The following GALNT13 variants were observed in gnomAD, a reference collection of about 807,000 sequenced individuals.
The protein encoded by GALNT13 is UDP-GalNAc:polypeptide N-acetylgalactosaminyltransferase 13.
In GALNT13, 28 loss-of-function variants were observed where a neutral mutation model predicts 64.2. The observed-to-expected ratio is 0.44, with a 90% CI of 0.32 to 0.60. The LOEUF is 0.60. Ranked by LOEUF, GALNT13 falls within the 20% of genes least tolerant of loss-of-function variation. The probability of loss-of-function intolerance (pLI) is 0.05; values close to 1 mark genes in which losing one functional copy is unlikely to be tolerated. For missense variants in GALNT13, 577 were observed against 669.8 expected (o/e 0.86, Z 1.53); for synonymous variants, 214 against 224.6 (o/e 0.95, Z 0.42).
At chr2:153,657,525 A>T in the GALNT13 span, among the ~76,000 whole-genome samples, 3 of 152,242 alleles carry the variant, frequency 2.0e-5, no homozygotes, top group South Asian at 6.2e-4. Context: ...ACAAAGAAAG[A>T]CTACATGACT....
intron 11 of GALNT13, among the ~76,000 whole-genome samples, chr2:154,424,440 C>A (rs1316981806): frequency 6.6e-6 from 1 of 152,178 alleles, no homozygotes; most frequent in Non-Finnish European, 1.5e-5. Context: ...TGACCACTGT[C>A]TTTCGTAACA....
intron 3 of GALNT13, among the ~76,000 whole-genome samples, chr2:153,991,150 A>T (rs548361229): frequency 1.3e-5 from 2 of 152,314 alleles, no homozygotes; most frequent in South Asian, 4.1e-4. Context: ...ATAGATTTCA[A>T]AGAAATTGAA....
At chr2:153,448,004 T>A in the GALNT13 span, among the ~76,000 whole-genome samples, 1 of 152,340 alleles carries the variant, frequency 6.6e-6, no homozygotes, top group Admixed American at 6.5e-5. Context: ...TACCTGAAAG[T>A]ATCCATTGAG....
chr2:153,614,142 C>T, the GALNT13 span, among the ~76,000 whole-genome samples: 1 of 151,852 alleles, frequency 6.6e-6, no homozygotes, highest in East Asian at 1.9e-4. Context: ...ATTTTCTTGA[C>T]AGTGAACTCT....
At chr2:154,427,173 A>G (rs1206321264) in intron 11 of GALNT13, among the ~76,000 whole-genome samples, 3 of 152,220 alleles carry the variant, frequency 2.0e-5, no homozygotes, top group Non-Finnish European at 4.4e-5. Flanking sequence ...AAGAGGAGCC[A>G]TATATTTATC....
the GALNT13 span, among the ~76,000 whole-genome samples, chr2:153,834,104 CT>C: frequency 1.3e-5 from 2 of 152,106 alleles, no homozygotes; most frequent in Middle Eastern, 3.2e-3. Context: ...TCTTCACCCC[CT>C]TGTAAGGAAA....
the GALNT13 span, among the ~76,000 whole-genome samples, chr2:153,765,068 T>A: frequency 1.3e-5 from 2 of 152,226 alleles, no homozygotes; most frequent in Non-Finnish European, 2.9e-5. Flanking sequence ...GTAGTCCTCA[T>A]GAAAAATCTT....
the GALNT13 span, among the ~76,000 whole-genome samples, chr2:153,260,693 T>A: frequency 5.3e-5 from 8 of 152,182 alleles, no homozygotes; most frequent in African/African-American, 1.9e-4. Context: ...GGGTTGAATG[T>A]GCTTGGTGTT....
the GALNT13 span, among the ~76,000 whole-genome samples, chr2:153,183,322 G>T: frequency 1.1e-4 from 16 of 151,666 alleles, 1 homozygote; most frequent in Middle Eastern, 3.4e-3. Context: ...TTTTTAATGG[G>T]TTTTTTTTCT....
the GALNT13 span, among the ~76,000 whole-genome samples, chr2:153,574,841 T>A: frequency 6.6e-6 from 1 of 152,092 alleles, no homozygotes; most frequent in Non-Finnish European, 1.5e-5. Flanking sequence ...AAGGATTGCA[T>A]ATTTCTGTTT....
the GALNT13 span, among the ~76,000 whole-genome samples, chr2:153,185,623 T>C: frequency 6.6e-6 from 1 of 152,204 alleles, no homozygotes; most frequent in Non-Finnish European, 1.5e-5. Context: ...TTTACACTGC[T>C]TTAGCTGCAT....
At chr2:154,433,771 G>A (rs562562356) in intron 11 of GALNT13, among the ~76,000 whole-genome samples, 1 of 149,540 alleles carries the variant, frequency 6.7e-6, no homozygotes, top group South Asian at 2.1e-4. Context: ...AAAAATTCAT[G>A]TACACCATGT....
At chr2:153,791,387 G>A in the GALNT13 span, among the ~76,000 whole-genome samples, 6 of 152,128 alleles carry the variant, frequency 3.9e-5, no homozygotes, top group East Asian at 1.9e-4. Flanking sequence ...GGTTTTTGCC[G>A]TTAGTTTTGC....
intron 3 of GALNT13, among the ~76,000 whole-genome samples, chr2:153,988,833 A>G (rs1007322536): frequency 3.3e-5 from 5 of 151,964 alleles, no homozygotes; most frequent in Non-Finnish European, 4.4e-5. Context: ...TGACTAAAGT[A>G]TGATTTTTTT....
At chr2:153,569,009 T>C in the GALNT13 span, among the ~76,000 whole-genome samples, 67 of 152,332 alleles carry the variant, frequency 4.4e-4, no homozygotes, top group East Asian at 0.011. Context: ...AGTGCATTTA[T>C]GCTAATGAAC....
intron 8 of GALNT13, among the ~76,000 whole-genome samples, chr2:154,287,925 A>G (rs1692367584): frequency 6.6e-6 from 1 of 152,056 alleles, no homozygotes; most frequent in Admixed American, 6.6e-5. Flanking sequence ...ATTCCTCCCA[A>G]TTAGTATAGC....
At chr2:154,275,406 C>G (rs991057774) in intron 8 of GALNT13, among the ~76,000 whole-genome samples, 1 of 152,180 alleles carries the variant, frequency 6.6e-6, no homozygotes, top group Non-Finnish European at 1.5e-5. Context: ...ACTTGGTGCT[C>G]TGCATCCCAG....
At chr2:153,498,200 G>T in the GALNT13 span, among the ~76,000 whole-genome samples, 195 of 152,316 alleles carry the variant, frequency 1.3e-3, no homozygotes, top group African/African-American at 4.3e-3. Flanking sequence ...ACTCTTAAAA[G>T]ATACAACCTT....
chr2:153,134,305 T>C, the GALNT13 span, among the ~76,000 whole-genome samples: 4 of 152,264 alleles, frequency 2.6e-5, no homozygotes, highest in Admixed American at 6.5e-5. Flanking sequence ...AAAAACCATT[T>C]CGCTTTGGAA....
Sources: gnomAD v4.1 joint callset for allele counts (sites outside exome capture counted in the v4.1 genomes callset) on GRCh38, gnomAD v4.1.1 for gene constraint, MANE v1.5 for transcripts, NCBI Gene and HGNC (gene_info 2026-07-23, HGNC 2026-07-21) for gene names.